ZNF385D: variants seen among roughly 807,000 people sequenced by gnomAD.
ZNF385D encodes zinc finger protein 659.
ZNF385D carries 15 observed loss-of-function variants against 35.8 expected under a neutral mutation model. The observed-to-expected ratio is 0.42, with a 90% CI of 0.28 to 0.64. The LOEUF is 0.64. ZNF385D is among the 30% of genes least tolerant of loss of function. The pLI is 0.23. For missense variants in ZNF385D, 474 were observed against 494.6 expected, an observed-to-expected ratio of 0.96 and a Z score of 0.39; for synonymous variants, 212 against 186.8, an observed-to-expected ratio of 1.13 and a Z score of -1.10.
intron 3 of ZNF385D, among the ~76,000 whole-genome samples, chr3:22,078,049 T>A (rs1294052990): frequency 6.6e-6 from 1 of 152,016 alleles, no homozygotes; most frequent in Non-Finnish European, 1.5e-5. Flanking sequence ...AGACAATCTA[T>A]CTTAAATATG....
chr3:21,666,222 C>T (rs1344116582), intron 1 of ZNF385D, among the ~76,000 whole-genome samples: 4 of 152,206 alleles, frequency 2.6e-5, no homozygotes, highest in African/African-American at 9.6e-5. Context: ...AATTAACATT[C>T]TGAAAATGAT....
intron 1 of ZNF385D, among the ~76,000 whole-genome samples, chr3:21,691,450 A>G (rs1191276292): frequency 6.6e-6 from 1 of 152,062 alleles, no homozygotes; most frequent in East Asian, 1.9e-4. Context: ...GATACAAATC[A>G]CCCGTCAGAC....
intron 2 of ZNF385D, among the ~76,000 whole-genome samples, chr3:21,618,220 C>G (rs1464623613): frequency 6.6e-6 from 1 of 151,888 alleles, no homozygotes; most frequent in East Asian, 1.9e-4. Context: ...CCCTAAATCC[C>G]ATTGTAAATA....
At chr3:22,083,271 A>G (rs1159109088) in intron 3 of ZNF385D, among the ~76,000 whole-genome samples, 2 of 151,032 alleles carry the variant, frequency 1.3e-5, no homozygotes, top group Non-Finnish European at 3.0e-5. Flanking sequence ...AAGGTCGGTA[A>G]TAACAAACTT....
chr3:21,497,614 G>A (rs1245136963), intron 4 of ZNF385D, among the ~76,000 whole-genome samples: 1 of 152,120 alleles, frequency 6.6e-6, no homozygotes, highest in East Asian at 1.9e-4. Context: ...GGAGGCTGAG[G>A]TGGGCAGATA....
intron 2 of ZNF385D, among the ~76,000 whole-genome samples, chr3:22,185,133 C>T (rs548146175): frequency 5.1e-4 from 78 of 152,142 alleles, no homozygotes; most frequent in Admixed American, 5.0e-3. Context: ...CTACTTTACT[C>T]GATCCAAAAT....
chr3:22,022,064 G>A (rs1056648650), intron 3 of ZNF385D, among the ~76,000 whole-genome samples: 3 of 152,082 alleles, frequency 2.0e-5, no homozygotes, highest in African/African-American at 7.2e-5. Flanking sequence ...AACTAATTGA[G>A]TGTGAGTAAA....
intron 1 of ZNF385D, among the ~76,000 whole-genome samples, chr3:21,738,154 G>C (rs1575565096): frequency 6.6e-6 from 1 of 152,296 alleles, no homozygotes; most frequent in Non-Finnish European, 1.5e-5. Flanking sequence ...TTTGTGCATT[G>C]GTTCTCTTGT....
At chr3:22,114,654 T>G (rs962759751) in intron 3 of ZNF385D, among the ~76,000 whole-genome samples, 1 of 152,058 alleles carries the variant, frequency 6.6e-6, no homozygotes, top group Admixed American at 6.6e-5. Context: ...GTGGATTATA[T>G]CTCAGAGTTC....
At chr3:21,453,504 CACTT>C (rs1406056913) in intron 4 of ZNF385D, among the ~76,000 whole-genome samples, 2 of 151,738 alleles carry the variant, frequency 1.3e-5, no homozygotes, top group Admixed American at 6.6e-5. Flanking sequence ...ATATAAAGAA[CACTT>C]ACAAATCCAC....
rs529539497 is a variant in ZNF385D, at chr3:21,545,918, C to A, written c.276+18656G>T. On this transcript the variant is annotated intron_variant, in intron 3 of 7. Coordinates refer to ENST00000281523, the MANE Select transcript of ZNF385D (RefSeq NM_024697.3). ...GATGCAAACCCATGGTTGGGCTGGG[C>A]TTTAAAAGGTCTTATCTGAGATTCC... is the stretch of plus-strand genomic sequence containing the variant. Among the ~76,000 whole-genome samples, 6 of 152,260 alleles carry A rather than the reference C, an allele frequency of 3.9e-5. No homozygotes were observed. In the East Asian group the frequency reaches 1.2e-3, roughly 29 times the overall value.
intron 3 of ZNF385D, among the ~76,000 whole-genome samples, chr3:22,093,249 G>C (rs1221126554): frequency 6.6e-6 from 1 of 151,844 alleles, no homozygotes; most frequent in Non-Finnish European, 1.5e-5. Flanking sequence ...ACATTTTTTA[G>C]AAAAAAGTAA....
chr3:22,090,370 T>C (rs1415050337), intron 3 of ZNF385D, among the ~76,000 whole-genome samples: 1 of 152,100 alleles, frequency 6.6e-6, no homozygotes, highest in Non-Finnish European at 1.5e-5. Flanking sequence ...CTGTGGTATA[T>C]TGTGATAAAG....
intron 3 of ZNF385D, among the ~76,000 whole-genome samples, chr3:22,037,972 T>C (rs541243610): frequency 6.6e-6 from 1 of 152,158 alleles, no homozygotes; most frequent in South Asian, 2.1e-4. Flanking sequence ...AAACAAGAAA[T>C]GGGGAAAGGA....
chr3:22,248,626 G>A (rs551227952), intron 2 of ZNF385D, among the ~76,000 whole-genome samples: 1 of 152,172 alleles, frequency 6.6e-6, no homozygotes, highest in African/African-American at 2.4e-5. Context: ...TGTGATTTTG[G>A]CAAATTATTC....
chr3:22,002,158 T>C (rs1051095220), intron 3 of ZNF385D, among the ~76,000 whole-genome samples: 3 of 150,460 alleles, frequency 2.0e-5, no homozygotes, highest in Non-Finnish European at 3.0e-5. Flanking sequence ...AAATGAAAAG[T>C]TGATTTTCAG....
intron 3 of ZNF385D, among the ~76,000 whole-genome samples, chr3:21,806,733 G>T (rs4858359): frequency 0.59 from 89,444 of 151,988 alleles, 26,866 homozygotes; most frequent in East Asian, 0.81. Context: ...CTCCTTCTGT[G>T]ACTGGTTTAC....
intron 3 of ZNF385D, among the ~76,000 whole-genome samples, chr3:21,865,638 C>G (rs73040508): frequency 0.099 from 15,056 of 152,114 alleles, 848 homozygotes; most frequent in East Asian, 0.14. Flanking sequence ...GAGCTGAACA[C>G]TGCTGGGTAA....
intron 3 of ZNF385D, chr3:21,849,649 T>C (rs952444863): frequency 8.2e-6 from 1 of 121,220 alleles, no homozygotes; most frequent in Non-Finnish European, 1.7e-5. Flanking sequence ...GCTCTACACA[T>C]CATTACCTCT....
Sources: allele counts gnomAD v4.1 joint callset (sites outside exome capture counted in the v4.1 genomes callset), GRCh38; gene constraint gnomAD v4.1.1; transcripts MANE v1.5; gene names NCBI Gene and HGNC (gene_info 2026-07-23, HGNC 2026-07-21).